Variants in TIAM2 observed in about 807,000 individuals in gnomAD.
TIAM2 encodes TIAM Rac1 associated GEF 2.
Under a neutral mutation model 152.9 loss-of-function variants are expected in TIAM2, and 80 were observed. The ratio of observed to expected loss-of-function variants is 0.52; its 90% confidence interval spans 0.44 to 0.63. The LOEUF (loss-of-function observed/expected upper bound fraction) is 0.63. TIAM2 is among the 30% of genes least tolerant of loss of function. The probability of loss-of-function intolerance (pLI) is 0.00; values close to 1 mark genes in which losing one functional copy is unlikely to be tolerated. For synonymous variants in TIAM2, 804 were observed against 838.0 expected, an observed-to-expected ratio of 0.96 and a Z score of 0.70; for missense variants, 1,965 against 2,120.1, an observed-to-expected ratio of 0.93 and a Z score of 1.44.
chr6:155,159,268 G>A (rs143681978), intron 7 of TIAM2, among the ~76,000 whole-genome samples: 198 of 152,308 alleles, frequency 1.3e-3, no homozygotes, highest in African/African-American at 4.6e-3. Flanking sequence ...CTCCTTCTCT[G>A]TAGAATACCT....
intron 7 of TIAM2, among the ~76,000 whole-genome samples, chr6:155,153,618 A>G: frequency 8.3e-6 from 1 of 120,002 alleles, no homozygotes; most frequent in East Asian, 2.5e-4. Context: ...GGAGCTGTTT[A>G]CGCTTTTTTT....
chr6:155,169,188 G>A (rs1386231412), intron 9 of TIAM2, among the ~76,000 whole-genome samples: 1 of 152,050 alleles, frequency 6.6e-6, no homozygotes, highest in Non-Finnish European at 1.5e-5. Flanking sequence ...GTAGACATGG[G>A]GTTTCACCGT....
At chr6:155,243,168 T>G (rs11755465) in intron 16 of TIAM2, among the ~76,000 whole-genome samples, 53,266 of 152,122 alleles carry the variant, frequency 0.35, 10,020 homozygotes, top group Middle Eastern at 0.51. Context: ...GTTTAGCCAT[T>G]AGAGCTGCAG....
intron 2 of TIAM2, among the ~76,000 whole-genome samples, chr6:155,112,891 C>G (rs1304054199): frequency 1.3e-5 from 2 of 152,002 alleles, no homozygotes; most frequent in Non-Finnish European, 2.9e-5. Context: ...CTACCACCCC[C>G]CTCCCTTACC....
intron 19 of TIAM2, among the ~76,000 whole-genome samples, chr6:155,247,759 T>C (rs991795475): frequency 6.6e-6 from 1 of 152,238 alleles, no homozygotes; most frequent in Non-Finnish European, 1.5e-5. Flanking sequence ...TGTTAGTCTT[T>C]GGGGCGCAGC....
intron 1 of TIAM2, among the ~76,000 whole-genome samples, chr6:155,032,609 CGG>C (rs1047873465): frequency 1.3e-5 from 2 of 152,060 alleles, no homozygotes; most frequent in African/African-American, 4.8e-5. Flanking sequence ...GGCGTGATCT[CGG>C]CTCACTGCAA....
intron 14 of TIAM2, among the ~76,000 whole-genome samples, chr6:155,205,558 A>G (rs1438366564): frequency 6.6e-6 from 1 of 152,108 alleles, no homozygotes; most frequent in Admixed American, 6.5e-5. Flanking sequence ...GACTACAAAG[A>G]ACTTTCTTGC....
At chr6:155,108,004 G>C (rs1251415050) in intron 2 of TIAM2, among the ~76,000 whole-genome samples, 1 of 152,216 alleles carries the variant, frequency 6.6e-6, no homozygotes. Flanking sequence ...TGAAGTCATT[G>C]TAACTTACAG....
intron 7 of TIAM2, among the ~76,000 whole-genome samples, chr6:155,158,601 G>T (rs1780180827): frequency 6.6e-6 from 1 of 151,200 alleles, no homozygotes; most frequent in South Asian, 2.1e-4. Context: ...TGCCCAGGCT[G>T]GAGTGTGCAG....
At chr6:155,209,736 A>C (rs1781678333) in intron 14 of TIAM2, among the ~76,000 whole-genome samples, 1 of 152,182 alleles carries the variant, frequency 6.6e-6, no homozygotes, top group Non-Finnish European at 1.5e-5. Context: ...AATGGAAGAA[A>C]AAAATTGGAG....
intron 2 of TIAM2, among the ~76,000 whole-genome samples, chr6:155,113,957 C>G (rs1245517352): frequency 7.2e-6 from 1 of 138,906 alleles, no homozygotes; most frequent in Non-Finnish European, 1.5e-5. Context: ...AATGTAAATG[C>G]TAAATATCGT....
intron 14 of TIAM2, among the ~76,000 whole-genome samples, chr6:155,203,048 CAAAAAAAA>C (rs59836931): frequency 1.5e-4 from 12 of 78,920 alleles, no homozygotes; most frequent in East Asian, 4.2e-4. Flanking sequence ...AACTCTGTCT[CAAAAAAAA>C]AAAAAAAAAA....
intron 1 of TIAM2, among the ~76,000 whole-genome samples, chr6:155,073,254 C>G (rs946911720): frequency 6.6e-6 from 1 of 150,980 alleles, no homozygotes; most frequent in Non-Finnish European, 1.5e-5. Context: ...CCTCCACCTC[C>G]CGGGTTCAAG....
intron 2 of TIAM2, among the ~76,000 whole-genome samples, chr6:155,094,277 C>T (rs929711399): frequency 2.0e-5 from 3 of 152,062 alleles, no homozygotes; most frequent in Non-Finnish European, 4.4e-5. Context: ...CACAGTCTTC[C>T]CATCATCAAA....
At position 155,000,654 on chromosome 6, in the gene TIAM2, G is replaced by A. The variant is rs114115954; in HGVS notation, c.-209+5162G>A. Among the ~76,000 whole-genome samples the A allele has an allele frequency of 8.2e-3, 1,242 of 151,932 alleles. 11 individuals carry two copies. Among genetic ancestry groups the A allele is most frequent in the African/African-American group, 0.029 (1,200 of 41,496 alleles). On this transcript the variant is annotated intron_variant, in intron 1 of 26. Coordinates refer to ENST00000682666, the MANE Select transcript of TIAM2 (RefSeq NM_012454.4). ...AGTGACACAAAAGCAAATTCCTTAAGTTTTAGGTGGAGGAGTGATAGGTCA... is the reference window on the plus strand; with the variant it reads ...AGTGACACAAAAGCAAATTCCTTAAATTTTAGGTGGAGGAGTGATAGGTCA...
chr6:155,112,943 G>A (rs544886376), intron 2 of TIAM2, among the ~76,000 whole-genome samples: 6 of 145,922 alleles, frequency 4.1e-5, no homozygotes, highest in Non-Finnish European at 8.9e-5. Context: ...CCCCTGCATC[G>A]TTCCGGTAGC....
Position 155,174,648 on chromosome 6 carries a change from C to T in TIAM2, c.2362-2168C>T, listed in dbSNP as rs968732514. ...CCTCCCAAAGTGCTGGAATTACAGACGTGAGCCATGGCGCCCGGCCAAGTG... is the reference window on the plus strand; with the variant it reads ...CCTCCCAAAGTGCTGGAATTACAGATGTGAGCCATGGCGCCCGGCCAAGTG... On this transcript the variant is annotated intron_variant, in intron 9 of 26. Coordinates refer to ENST00000682666, the MANE Select transcript of TIAM2 (RefSeq NM_012454.4). The surrounding 1 kb of genome is among the most constrained non-coding windows in gnomAD (Gnocchi z 4.2). Among the ~76,000 whole-genome samples the T allele has an allele frequency of 1.1e-4, 17 of 152,218 alleles. No individual in the cohort carries two copies. Among genetic ancestry groups the T allele is most frequent in the African/African-American group, 7.2e-5 (3 of 41,456 alleles).
chr6:155,065,650 T>G (rs760830112), intron 1 of TIAM2, among the ~76,000 whole-genome samples: 1 of 152,048 alleles, frequency 6.6e-6, no homozygotes, highest in East Asian at 1.9e-4. Flanking sequence ...TGGTGGTGAC[T>G]GTAGTGCCAG....
intron 2 of TIAM2, among the ~76,000 whole-genome samples, chr6:155,118,680 C>G (rs1779074305): frequency 6.6e-6 from 1 of 152,044 alleles, no homozygotes; most frequent in Non-Finnish European, 1.5e-5. Context: ...GGTGATCTGC[C>G]TGCCTTGGCC....
Sources: gnomAD v4.1 joint callset for allele counts (sites outside exome capture counted in the v4.1 genomes callset) on GRCh38, gnomAD v4.1.1 for gene constraint, Gnocchi (gnomAD v3.1) non-coding constraint, MANE v1.5 for transcripts, NCBI Gene and HGNC (gene_info 2026-07-23, HGNC 2026-07-21) for gene names.